The following ZSWIM3 variants were observed in gnomAD, a reference collection of about 807,000 sequenced individuals.
ZSWIM3 encodes the protein zinc finger SWIM domain-containing protein 3.
A neutral mutation model predicts 47.5 loss-of-function variants in ZSWIM3; 27 were observed. The observed-to-expected ratio is 0.57, with a 90% confidence interval of 0.42 to 0.78. The LOEUF is 0.78. Ranked by LOEUF, ZSWIM3 falls within the 30% of genes least tolerant of loss-of-function variation. The probability of loss-of-function intolerance (pLI) is 0.00; values close to 1 mark genes in which losing one functional copy is unlikely to be tolerated. For missense variants in ZSWIM3, 689 were observed against 861.3 expected (o/e 0.80, Z 2.50); for synonymous variants, 333 against 333.9 (o/e 1.00, Z 0.03).
At chr20:45,874,557 C>CAAACATTCCCTAGCCCCA (rs1986047020) in intron 1 of ZSWIM3, among the ~76,000 whole-genome samples, 1 of 152,106 alleles carries the variant, frequency 6.6e-6, no homozygotes, top group Admixed American at 6.6e-5. Context: ...AAAGGAGGAC[C>CAAACATTCCCTAGCCCCA]AAACATTCCC....
chr20:45,858,407 C>G (rs1166666571), intron 1 of ZSWIM3, among the ~76,000 whole-genome samples: 1 of 152,176 alleles, frequency 6.6e-6, no homozygotes, highest in Non-Finnish European at 1.5e-5. Flanking sequence ...TTTGTTGAAA[C>G]AGGGTCTCAC....
chr20:45,864,998 G>A (rs1985802467), intron 1 of ZSWIM3, among the ~76,000 whole-genome samples: 1 of 152,028 alleles, frequency 6.6e-6, no homozygotes, highest in South Asian at 2.1e-4. Context: ...GAGAAACCCT[G>A]TCTCTACTAA....
intron 1 of ZSWIM3, among the ~76,000 whole-genome samples, chr20:45,870,205 G>A (rs982711529): frequency 4.0e-5 from 6 of 150,446 alleles, no homozygotes; most frequent in Admixed American, 6.6e-5. Context: ...AGCCGGGCAC[G>A]GTAGCATGCC....
chr20:45,870,980 C>A (rs564766281), intron 1 of ZSWIM3, among the ~76,000 whole-genome samples: 3 of 152,282 alleles, frequency 2.0e-5, no homozygotes, highest in South Asian at 4.1e-4. Flanking sequence ...CAGGTGTGAG[C>A]CACGGCGCCC....
At chr20:45,874,276 CTGA>C (rs1986040211) in intron 1 of ZSWIM3, among the ~76,000 whole-genome samples, 1 of 152,206 alleles carries the variant, frequency 6.6e-6, no homozygotes. Context: ...CTTTGGGAGG[CTGA>C]CGCGGGTGGA....
Position 45,877,137 on chromosome 20 carries a change from T to C in ZSWIM3, c.579T>C (p.Ser193=), listed in dbSNP as rs1986116709. The C allele has an allele frequency of 6.2e-7, 1 of 1,614,082 alleles. No individual in the cohort carries two copies. Among genetic ancestry groups the C allele is most frequent in the East Asian group, 2.2e-5 (1 of 44,874 alleles). The change falls in exon 2 of 2, where the codon AGT becomes AGC. Residue 193 remains serine, a synonymous_variant. Transcript: ENST00000255152. ...KVDEGSMASF[S]VGDSQHLDRL... ...ATGAGGGTTCCATGGCTTCCTTCAG[T>C]GTGGGTGACAGCCAGCACCTGGACC... is the stretch of plus-strand genomic sequence containing the variant.
chr20:45,864,896 C>T lies in ZSWIM3; in HGVS notation c.155+6916C>T, dbSNP rs181850510. On this transcript the variant is annotated intron_variant, in intron 1 of 1. Transcript: ENST00000255152. ...TTGAAAATAATGGTGCAGGGCCGGGCGTGGTGGCTCACGCCTGTAATCCCA... is the reference window on the plus strand; with the variant it reads ...TTGAAAATAATGGTGCAGGGCCGGGTGTGGTGGCTCACGCCTGTAATCCCA... Among the ~76,000 whole-genome samples the T allele has an allele frequency of 3.0e-3, 461 of 151,818 alleles. 2 individuals carry two copies. The highest frequency in any genetic ancestry group is 0.011 in the African/African-American group (441 of 41,372).
In ZSWIM3 at chr20:45,878,421, CCTAAGCAG is replaced by C. The variant is rs1195412852; in HGVS notation, c.1864_1871del (p.Leu622GlyfsTer36). On this transcript the variant is annotated frameshift_variant, in exon 2 of 2. Transcript: ENST00000255152. LOFTEE classifies it high-confidence loss of function. ...AAGGACGGAACGACATGATTCAGGACCTAAGCAGGGAGTTAGCAAACCTGCTCATGCAG... is the reference window on the plus strand; with the variant it reads ...AAGGACGGAACGACATGATTCAGGACGGAGTTAGCAAACCTGCTCATGCAG... 6.2e-7 allele frequency: 1 copy of C among 1,614,208 alleles called. No individual in the cohort carries two copies. Among genetic ancestry groups the C allele is most frequent in the Middle Eastern group, 1.6e-4 (1 of 6,062 alleles).
Position 45,865,992 on chromosome 20 carries a change from C to CAAA in ZSWIM3, c.155+8026_155+8028dup, listed in dbSNP as rs377544841. Among the ~76,000 whole-genome samples the CAAA allele has an allele frequency of 5.0e-4, 49 of 98,762 alleles. No individual in the cohort carries two copies. The South Asian group carries it at 0.01, about 21-fold the overall frequency. The allele number at this position is 98,762 out of a possible 152,430, so 64.8% of individuals were successfully genotyped here. A position where few individuals can be genotyped will look rare whatever the true frequency, so the allele number is the denominator to read the frequency against. Reference sequence around the variant, plus strand: ...TGGATGACAGAGTGAGACTCTGTCTCAAAAAAAAAAAAAAAAGAAAAAGAA... The same window carrying CAAA: ...TGGATGACAGAGTGAGACTCTGTCTCAAAAAAAAAAAAAAAAAAAGAAAAAGAA... On this transcript the variant is annotated intron_variant, in intron 1 of 1. Coordinates refer to ENST00000255152, the MANE Select transcript of ZSWIM3 (RefSeq NM_080752.4).
rs1406314402 is a variant in ZSWIM3, at chr20:45,864,384, T to TA, written c.155+6405dup. Among the ~76,000 whole-genome samples the TA allele has an allele frequency of 4.6e-5, 7 of 152,290 alleles. No homozygotes were observed. In the East Asian group the frequency reaches 1.2e-3, roughly 25 times the overall value. ...TCACTGTCTTGGGCTTTTTGAGTGA[T>TA]ACGTGGGTGTCTTGGGGGACTGGAG... is the stretch of plus-strand genomic sequence containing the variant. On this transcript the variant is annotated intron_variant, in intron 1 of 1. Coordinates refer to ENST00000255152, the MANE Select transcript of ZSWIM3 (RefSeq NM_080752.4).
chr20:45,860,200 C>G (rs1294144135), intron 1 of ZSWIM3, among the ~76,000 whole-genome samples: 1 of 152,170 alleles, frequency 6.6e-6, no homozygotes, highest in African/African-American at 2.4e-5. Context: ...GGCTGTATTT[C>G]TTTCTGGAGT....
chr20:45,857,730 G>A lies in ZSWIM3; in HGVS notation c.-96G>A. 1 of 1,464,024 alleles carries A rather than the reference G, an allele frequency of 6.8e-7. No homozygotes were observed. The highest frequency in any genetic ancestry group is 1.3e-5 in the South Asian group (1 of 76,154). The allele number at this position is 1,464,024 out of a possible 1,614,324, so 90.7% of individuals were successfully genotyped here. A position where few individuals can be genotyped will look rare whatever the true frequency, so the allele number is the denominator to read the frequency against. ...GACCCTTAAGGCATTCTGGGCCCAC[G>A]CCTGCCTATAAACCCTCATAGTGTG... On this transcript the variant is annotated 5_prime_UTR_variant, in exon 1 of 2. Coordinates refer to ENST00000255152, the MANE Select transcript of ZSWIM3 (RefSeq NM_080752.4).
chr20:45,868,477 C>T (rs990291568), intron 1 of ZSWIM3, among the ~76,000 whole-genome samples: 2 of 150,920 alleles, frequency 1.3e-5, no homozygotes, highest in African/African-American at 2.4e-5. Context: ...TGCAGTGGTG[C>T]GACCTTGGCT....
At chr20:45,863,507 A>T (rs1985761316) in intron 1 of ZSWIM3, among the ~76,000 whole-genome samples, 1 of 152,214 alleles carries the variant, frequency 6.6e-6, no homozygotes, top group Non-Finnish European at 1.5e-5. Context: ...CAGATACTTT[A>T]CAAAGCACAT....
Position 45,877,731 on chromosome 20 carries a change from C to T in ZSWIM3, c.1173C>T (p.Tyr391=), listed in dbSNP as rs758284363. The change falls in exon 2 of 2, where the codon TAC becomes TAT. Residue 391 remains tyrosine, a synonymous_variant. Transcript: ENST00000255152. The part of the protein sequence containing the change: ...VRKGLLACNT[Y]MDSLDIVTSK... Reference sequence around the variant, plus strand: ...AGGGCCTGCTTGCGTGTAACACCTACATGGACAGCCTAGACATTGTCACCA... The same window carrying T: ...AGGGCCTGCTTGCGTGTAACACCTATATGGACAGCCTAGACATTGTCACCA... 4.3e-6 allele frequency: 7 copies of T among 1,614,024 alleles called. No homozygotes were observed. Among genetic ancestry groups the T allele is most frequent in the Non-Finnish European group, 5.9e-6 (7 of 1,179,912 alleles).
chr20:45,871,231 T>C (rs1985968294), intron 1 of ZSWIM3, among the ~76,000 whole-genome samples: 1 of 152,200 alleles, frequency 6.6e-6, no homozygotes, highest in South Asian at 2.1e-4. Flanking sequence ...TTTTATACTT[T>C]CCTGAATCTC....
At chr20:45,866,029 A>G (rs532367331) in intron 1 of ZSWIM3, among the ~76,000 whole-genome samples, 162 of 151,042 alleles carry the variant, frequency 1.1e-3, no homozygotes, top group Non-Finnish European at 1.8e-3. Context: ...AAAAAAATTC[A>G]GGCTAGGGGG....
chr20:45,878,130 G>A lies in ZSWIM3; in HGVS notation c.1572G>A (p.Val524=), dbSNP rs1241651796. The A allele has an allele frequency of 6.2e-7, 1 of 1,614,220 alleles. No individual in the cohort carries two copies. The highest frequency in any genetic ancestry group is 1.7e-5 in the Admixed American group (1 of 60,022). ...TGGTACAGAACTCCACCCACCTGGT[G>A]GACATGGCTGGCTCTTCAGTGGACG... ...WEVVQNSTHL[V]DMAGSSVDVQ... The change falls in exon 2 of 2, where the codon GTG becomes GTA. Residue 524 remains valine (V), a synonymous_variant. Transcript: ENST00000255152.
In ZSWIM3 at chr20:45,877,809, C is replaced by CT. The variant is rs776851161; in HGVS notation, c.1252dup (p.Cys418LeufsTer10). 1 of 1,614,238 alleles carries CT rather than the reference C, an allele frequency of 6.2e-7. No homozygotes were observed. The highest frequency in any genetic ancestry group is 1.7e-5 in the Admixed American group (1 of 60,030). ...AGCAGTCGCTGCTGGACTGCATCCTCTGCTTTGTGGATTACATAGACTTCT... is the reference window on the plus strand; with the variant it reads ...AGCAGTCGCTGCTGGACTGCATCCTCTTGCTTTGTGGATTACATAGACTTCT... On this transcript the variant is annotated frameshift_variant, in exon 2 of 2. Transcript: ENST00000255152. LOFTEE classifies it high-confidence loss of function.
Sources: allele counts gnomAD v4.1 joint callset (sites outside exome capture counted in the v4.1 genomes callset), GRCh38; gene constraint gnomAD v4.1.1; transcripts MANE v1.5; gene names NCBI Gene and HGNC (gene_info 2026-07-23, HGNC 2026-07-21).